Variants in TRMT10B observed in about 807,000 individuals in gnomAD.
The protein encoded by TRMT10B is tRNA methyltransferase 10 homolog B.
A neutral mutation model predicts 43.8 loss-of-function variants in TRMT10B; 33 were observed. That is an observed-to-expected ratio of 0.75 (90% confidence interval 0.57 to 1.01). The LOEUF is 1.01. Ranked by LOEUF, TRMT10B falls within the 50% of genes least tolerant of loss-of-function variation. The pLI is 0.00. For synonymous variants in TRMT10B, 137 were observed against 130.6 expected (o/e 1.05, Z -0.34); for missense variants, 362 against 369.8 (o/e 0.98, Z 0.17).
At chr9:37,761,834 T>G in intron 1 of TRMT10B, 69 bp from the exon 2 acceptor site, 1 of 1,088,654 alleles carries the variant, frequency 9.2e-7, no homozygotes, top group Non-Finnish European at 1.3e-6. Flanking sequence ...CACTTTGTCA[T>G]TTGGATGTAG....
chr9:37,763,313 C>T (rs1190916734), intron 3 of TRMT10B, among the ~76,000 whole-genome samples: 1 of 151,994 alleles, frequency 6.6e-6, no homozygotes, highest in Non-Finnish European at 1.5e-5. Flanking sequence ...CATGGATTAC[C>T]TCAATAAAGA....
At chr9:37,757,293 CT>C (rs781697117) in intron 1 of TRMT10B, among the ~76,000 whole-genome samples, 28 of 152,246 alleles carry the variant, frequency 1.8e-4, no homozygotes, top group Admixed American at 8.5e-4. Flanking sequence ...CCAGGCTGGT[CT>C]TGAACCCCCA....
At chr9:37,763,143 CAAAAA>C (rs747893643) in intron 3 of TRMT10B, among the ~76,000 whole-genome samples, 1 of 50,212 alleles carries the variant, frequency 2.0e-5, no homozygotes, top group Non-Finnish European at 3.9e-5. Flanking sequence ...GACTCTGTCT[CAAAAA>C]AAAAAAAAAA....
At chr9:37,754,990 G>A (rs1022135442) in intron 1 of TRMT10B, among the ~76,000 whole-genome samples, 1 of 152,210 alleles carries the variant, frequency 6.6e-6, no homozygotes, top group Non-Finnish European at 1.5e-5. Flanking sequence ...AGGTCACAGG[G>A]TCGGGTGTGG....
chr9:37,760,597 G>T (rs959481474), intron 1 of TRMT10B, among the ~76,000 whole-genome samples: 2 of 152,192 alleles, frequency 1.3e-5, no homozygotes, highest in African/African-American at 4.8e-5. Flanking sequence ...CAAAGCTGAT[G>T]AATCATGAAA....
Position 37,778,019 on chromosome 9 carries a change from TA to T in TRMT10B, c.*321del, listed in dbSNP as rs777538838. On this transcript the variant is annotated 3_prime_UTR_variant, in exon 9 of 9. Coordinates refer to ENST00000297994, the MANE Select transcript of TRMT10B (RefSeq NM_144964.4). ...GACTCCATCTCAAAAAAAAAATAAA[TA>T]AAAAAAAATGCAGCTGCAGGAGTGA... 28 of 203,592 alleles carry T rather than the reference TA, an allele frequency of 1.4e-4. No individual in the cohort carries two copies. The highest frequency in any genetic ancestry group is 2.2e-4 in the Non-Finnish European group (22 of 100,564). 12.6% of individuals were successfully genotyped at this position (203,592 alleles called of 1,614,324 possible). A position where few individuals can be genotyped will look rare whatever the true frequency, so the allele number is the denominator to read the frequency against.
At position 37,762,085 on chromosome 9, in the gene TRMT10B, A is replaced by T; in HGVS notation, c.154A>T (p.Ile52Phe). The T allele has an allele frequency of 6.2e-7, 1 of 1,614,036 alleles. No individual in the cohort carries two copies. Among genetic ancestry groups the T allele is most frequent in the Non-Finnish European group, 8.5e-7 (1 of 1,179,974 alleles). The stretch of plus-strand genomic sequence containing the variant: ...GGAAGGCGAGTGCCAGGAGGGAGAG[A>T]TCCTGGCCACAGGCAGTACGGCATG... ...DAEGECQEGE[I>F]LATGSTAWCS... The change falls in exon 2 of 9, where the codon ATC becomes TTC. Residue 52 changes from isoleucine (I) to phenylalanine (F), a missense_variant. By Grantham distance (21) the Ile-to-Phe change is conservative. Coordinates refer to ENST00000297994, the MANE Select transcript of TRMT10B (RefSeq NM_144964.4).
chr9:37,755,013 G>C (rs933954594), intron 1 of TRMT10B, among the ~76,000 whole-genome samples: 3 of 152,200 alleles, frequency 2.0e-5, no homozygotes, highest in Admixed American at 1.3e-4. Flanking sequence ...GCTCACGCCT[G>C]TAATCCTAGC....
chr9:37,776,463 C>T, intron 8 of TRMT10B, 58 bp downstream of exon 8: 4 of 1,551,386 alleles, frequency 2.6e-6, no homozygotes, highest in Non-Finnish European at 3.5e-6. Context: ...CTGCTTTGCA[C>T]TGTGTTTAAG....
chr9:37,768,834 C>T (rs980201546), intron 5 of TRMT10B, among the ~76,000 whole-genome samples: 2 of 152,202 alleles, frequency 1.3e-5, no homozygotes, highest in African/African-American at 4.8e-5. Context: ...TTACTGTCTT[C>T]ACAGTCTCTC....
At chr9:37,763,950 G>T (rs1826700425) in intron 4 of TRMT10B, 197 bp downstream of exon 4, 2 of 1,107,070 alleles carry the variant, frequency 1.8e-6, no homozygotes, top group East Asian at 6.1e-5. Context: ...ATATAGTTTG[G>T]TTTAGTTTGC....
At chr9:37,767,961 A>C (rs1563997167) in intron 4 of TRMT10B, 115 bp from the exon 5 acceptor site, 1 of 1,107,014 alleles carries the variant, frequency 9.0e-7, no homozygotes, top group Admixed American at 2.0e-5. Context: ...ATGTACTCCT[A>C]GTACATGGGG....
intron 1 of TRMT10B, among the ~76,000 whole-genome samples, chr9:37,761,540 A>G (rs1341682223): frequency 1.3e-5 from 2 of 152,312 alleles, no homozygotes; most frequent in African/African-American, 2.4e-5. Flanking sequence ...TCTACTAAAA[A>G]TAGAAAAATT....
chr9:37,753,124 C>T (rs939924167), upstream of TRMT10B, among the ~76,000 whole-genome samples: 2 of 151,420 alleles, frequency 1.3e-5, no homozygotes, highest in African/African-American at 2.4e-5. Context: ...ACACTCATTG[C>T]GAAGATCTGC....
At chr9:37,760,282 G>A (rs990817435) in intron 1 of TRMT10B, among the ~76,000 whole-genome samples, 18 of 152,176 alleles carry the variant, frequency 1.2e-4, no homozygotes, top group African/African-American at 4.3e-4. Flanking sequence ...AGATTGCAAC[G>A]CTGCACTCCA....
intron 6 of TRMT10B, 143 bp downstream of exon 6, chr9:37,770,162 T>C: frequency 1.3e-6 from 1 of 761,386 alleles, no homozygotes; most frequent in Non-Finnish European, 2.3e-6. Context: ...GTGCTCCTCT[T>C]ACAGGCAGGG....
chr9:37,767,516 A>AAAAAAAAAAAAAAC (rs1827114228), intron 4 of TRMT10B: 1 of 110,044 alleles, frequency 9.1e-6, no homozygotes, highest in Non-Finnish European at 2.0e-5. Context: ...CTGTCTCCAA[A>AAAAAAAAAAAAAAC]AAAAAAAAAA....
At chr9:37,763,993 A>T (rs1412727878) in intron 4 of TRMT10B, 3 of 541,750 alleles carry the variant, frequency 5.5e-6, no homozygotes, top group Non-Finnish European at 9.2e-6. Flanking sequence ...TTTAAGCCCA[A>T]CATCTTTGCC....
chr9:37,761,826 C>A (rs1563988708), intron 1 of TRMT10B, 77 bp from the exon 2 acceptor site: 1 of 1,026,726 alleles, frequency 9.7e-7, no homozygotes, highest in African/African-American at 1.6e-5. Flanking sequence ...CACAATAACA[C>A]TTTGTCATTT....
Sources: gnomAD v4.1 joint callset for allele counts (sites outside exome capture counted in the v4.1 genomes callset) on GRCh38, gnomAD v4.1.1 for gene constraint, MANE v1.5 for transcripts, NCBI Gene and HGNC (gene_info 2026-07-23, HGNC 2026-07-21) for gene names.